TSHZ2: variants seen among roughly 807,000 people sequenced by gnomAD.
TSHZ2 encodes the protein teashirt zinc finger homeobox 2.
A neutral mutation model predicts 74.4 loss-of-function variants in TSHZ2; 21 were observed. The observed-to-expected ratio is 0.28, with a 90% CI of 0.20 to 0.41. The LOEUF (loss-of-function observed/expected upper bound fraction) is 0.41. Among genes scored for constraint, TSHZ2 ranks in the 10% least tolerant of loss-of-function variants. TSHZ2 has a pLI of 1.00. For missense variants in TSHZ2, 1,244 were observed against 1,293.5 expected, an observed-to-expected ratio of 0.96 and a Z score of 0.59; for synonymous variants, 540 against 515.3, an observed-to-expected ratio of 1.05 and a Z score of -0.65.
intron 2 of TSHZ2, among the ~76,000 whole-genome samples, chr20:53,417,225 GACACAGACAC>G (rs1190127103): frequency 9.3e-5 from 12 of 128,806 alleles, no homozygotes; most frequent in East Asian, 2.3e-4. Context: ...TCTATATACA[GACACAGACAC>G]ACACAGACAC....
chr20:53,343,264 G>A (rs575366300), intron 2 of TSHZ2, among the ~76,000 whole-genome samples: 1 of 152,224 alleles, frequency 6.6e-6, no homozygotes, highest in South Asian at 2.1e-4. Context: ...ACCGCACCGG[G>A]CCAGGACCCG....
intron 1 of TSHZ2, among the ~76,000 whole-genome samples, chr20:52,999,698 T>C (rs1011481815): frequency 2.6e-5 from 4 of 152,204 alleles, no homozygotes; most frequent in Non-Finnish European, 4.4e-5. Context: ...GAATCGCCTC[T>C]AGAGCTTTCA....
chr20:53,265,077 TG>T (rs978098306), intron 2 of TSHZ2, among the ~76,000 whole-genome samples: 2 of 151,632 alleles, frequency 1.3e-5, no homozygotes, highest in African/African-American at 4.8e-5. Context: ...AGACACAGCT[TG>T]GGGAGCAAGG....
intron 2 of TSHZ2, among the ~76,000 whole-genome samples, chr20:53,301,933 A>G (rs896379420): frequency 6.6e-6 from 1 of 152,224 alleles, no homozygotes; most frequent in Non-Finnish European, 1.5e-5. Flanking sequence ...TATTTAAATC[A>G]GTTTTGAGAA....
intron 1 of TSHZ2, among the ~76,000 whole-genome samples, chr20:53,246,776 A>C (rs868572917): frequency 6.6e-6 from 1 of 152,312 alleles, no homozygotes; most frequent in Middle Eastern, 3.4e-3. Flanking sequence ...CTGATGACCA[A>C]GATGTGGAGA....
At position 53,254,907 on chromosome 20, in the gene TSHZ2, C is replaced by G. The variant is rs761131639; in HGVS notation, c.1449C>G (p.Asp483Glu). 6.2e-7 allele frequency: 1 copy of G among 1,613,950 alleles called. No homozygotes were observed. Among genetic ancestry groups the G allele is most frequent in the South Asian group, 1.1e-5 (1 of 91,070 alleles). The change falls in exon 2 of 3, where the codon GAC becomes GAG. Residue 483 changes from aspartate (D) to glutamate (E), a missense_variant. This residue lies in a region of TSHZ2 where 562 missense variants were observed against 544.0 expected (regional missense o/e 1.03). Coordinates refer to ENST00000371497, the MANE Select transcript of TSHZ2 (RefSeq NM_173485.6). ...SKDEKVVKSE[D>E]YEDPLQKPLD... is the part of the protein sequence containing the mutation. Reference sequence around the variant, plus strand: ...ATGAGAAAGTCGTGAAAAGCGAGGACTATGAAGATCCTCTACAAAAACCTT... The same window carrying G: ...ATGAGAAAGTCGTGAAAAGCGAGGAGTATGAAGATCCTCTACAAAAACCTT...
intron 2 of TSHZ2, among the ~76,000 whole-genome samples, chr20:53,419,365 G>A (rs1160095791): frequency 6.6e-6 from 1 of 152,186 alleles, no homozygotes; most frequent in Non-Finnish European, 1.5e-5. Context: ...CCTTTGGAGG[G>A]TTGCTATGAG....
At chr20:53,087,409 C>T (rs764728449) in intron 1 of TSHZ2, among the ~76,000 whole-genome samples, 5 of 152,212 alleles carry the variant, frequency 3.3e-5, no homozygotes, top group Non-Finnish European at 7.3e-5. Context: ...TACACATTTT[C>T]GATCCTTGGC....
intron 1 of TSHZ2, chr20:53,168,704 CT>C (rs1175814650): frequency 2.0e-5 from 3 of 152,206 alleles, no homozygotes; most frequent in African/African-American, 7.2e-5. Context: ...CACGTGGTGA[CT>C]CAGATGCAAC....
intron 1 of TSHZ2, among the ~76,000 whole-genome samples, chr20:53,213,822 C>T (rs542874793): frequency 5.0e-4 from 76 of 152,098 alleles, no homozygotes; most frequent in African/African-American, 1.7e-3. Flanking sequence ...GCCCTGTCAC[C>T]GTGACTTCTA....
At chr20:53,115,185 A>G (rs1323462750) in intron 1 of TSHZ2, among the ~76,000 whole-genome samples, 1 of 152,164 alleles carries the variant, frequency 6.6e-6, no homozygotes, top group Non-Finnish European at 1.5e-5. Context: ...TCATACCTCT[A>G]GAATAGAGGG....
chr20:53,343,484 C>T (rs1980304740), intron 2 of TSHZ2, among the ~76,000 whole-genome samples: 1 of 152,212 alleles, frequency 6.6e-6, no homozygotes, highest in Admixed American at 6.5e-5. Context: ...TGAGAAATCC[C>T]AGGCACTAAC....
chr20:53,125,361 C>G (rs1986919334), intron 1 of TSHZ2, among the ~76,000 whole-genome samples: 1 of 152,198 alleles, frequency 6.6e-6, no homozygotes, highest in Non-Finnish European at 1.5e-5. Context: ...CTTACTCTCT[C>G]TGAGCCTCAG....
chr20:53,003,160 G>T (rs1042111140), intron 1 of TSHZ2, among the ~76,000 whole-genome samples: 4 of 151,980 alleles, frequency 2.6e-5, no homozygotes. Context: ...TTAGTTCACC[G>T]TCCAGGTACT....
intron 2 of TSHZ2, among the ~76,000 whole-genome samples, chr20:53,307,128 C>A (rs1040812368): frequency 6.6e-6 from 1 of 152,076 alleles, no homozygotes; most frequent in Non-Finnish European, 1.5e-5. Context: ...GGTAAATGAC[C>A]AATCCAGGGT....
chr20:53,008,926 T>C (rs1349204073), intron 1 of TSHZ2, among the ~76,000 whole-genome samples: 2 of 151,194 alleles, frequency 1.3e-5, no homozygotes, highest in African/African-American at 2.4e-5. Flanking sequence ...CAATAAAAAA[T>C]AGAACAATTA....
intron 1 of TSHZ2, among the ~76,000 whole-genome samples, chr20:53,068,307 G>A (rs1170203401): frequency 6.6e-6 from 1 of 151,996 alleles, no homozygotes; most frequent in Non-Finnish European, 1.5e-5. Flanking sequence ...TATGGATCCC[G>A]AGTCCTGCTT....
At chr20:53,105,557 A>G (rs1986336866) in intron 1 of TSHZ2, among the ~76,000 whole-genome samples, 1 of 152,178 alleles carries the variant, frequency 6.6e-6, no homozygotes, top group Non-Finnish European at 1.5e-5. Context: ...CCTTGATCTC[A>G]TCTCCTTTAA....
intron 2 of TSHZ2, among the ~76,000 whole-genome samples, chr20:53,470,373 T>G (rs1407271976): frequency 1.3e-5 from 2 of 152,232 alleles, no homozygotes; most frequent in Non-Finnish European, 2.9e-5. Context: ...ACACTAATAA[T>G]GAAATTCAGC....
Sources: gnomAD v4.1 joint callset for allele counts (sites outside exome capture counted in the v4.1 genomes callset) on GRCh38, gnomAD v4.1.1 for gene constraint, gnomAD v4.1.1 regional missense constraint, MANE v1.5 for transcripts, NCBI Gene and HGNC (gene_info 2026-07-23, HGNC 2026-07-21) for gene names.